Variants in PDGFD observed in about 807,000 individuals in gnomAD.
PDGFD encodes platelet derived growth factor D, also known as platelet-derived growth factor D.
Under a neutral mutation model 44.7 loss-of-function variants are expected in PDGFD, and 30 were observed. The observed-to-expected ratio is 0.67, with a 90% CI of 0.50 to 0.91. PDGFD has a LOEUF of 0.91. Among genes scored for constraint, PDGFD ranks in the 40% least tolerant of loss-of-function variants. PDGFD has a pLI of 0.00. For synonymous variants in PDGFD, 173 were observed against 168.4 expected, an observed-to-expected ratio of 1.03 and a Z score of -0.21; for missense variants, 445 against 457.8, an observed-to-expected ratio of 0.97 and a Z score of 0.25.
At chr11:103,914,538 T>C (rs2408810) in intron 6 of PDGFD, among the ~76,000 whole-genome samples, 69,613 of 151,992 alleles carry the variant, frequency 0.46, 16,057 homozygotes, top group South Asian at 0.49. Flanking sequence ...AAGCTGGTAC[T>C]ATTCCTTCTG....
At chr11:104,015,304 T>C (rs554349682) in intron 1 of PDGFD, among the ~76,000 whole-genome samples, 1 of 152,302 alleles carries the variant, frequency 6.6e-6, no homozygotes, top group Non-Finnish European at 1.5e-5. Flanking sequence ...GAAACAAGAT[T>C]CTCTTTTCTT....
chr11:104,025,547 C>T (rs781397331), intron 1 of PDGFD, among the ~76,000 whole-genome samples: 4 of 152,154 alleles, frequency 2.6e-5, no homozygotes, highest in Non-Finnish European at 5.9e-5. Context: ...TTTGAGAGGT[C>T]ATCCCAGGAA....
intron 1 of PDGFD, among the ~76,000 whole-genome samples, chr11:104,129,129 A>T (rs559436978): frequency 7.2e-5 from 11 of 152,168 alleles, no homozygotes; most frequent in Admixed American, 2.0e-4. Flanking sequence ...ATTGTAAGGA[A>T]CCTGACAGAG....
At chr11:104,027,429 G>T (rs539921696) in intron 1 of PDGFD, among the ~76,000 whole-genome samples, 1 of 152,312 alleles carries the variant, frequency 6.6e-6, no homozygotes, top group East Asian at 1.9e-4. Context: ...TACTTTGGTA[G>T]AGTGCTTTTC....
At chr11:104,087,658 A>G (rs1036694730) in intron 1 of PDGFD, among the ~76,000 whole-genome samples, 7 of 152,222 alleles carry the variant, frequency 4.6e-5, no homozygotes, top group Non-Finnish European at 8.8e-5. Context: ...AATTCCTTAC[A>G]TTTCCCTAAA....
At chr11:103,933,534 T>C (rs960568636) in intron 5 of PDGFD, among the ~76,000 whole-genome samples, 1 of 152,242 alleles carries the variant, frequency 6.6e-6, no homozygotes, top group East Asian at 1.9e-4. Context: ...TAAAAACATT[T>C]ACCACTTGTT....
intron 3 of PDGFD, among the ~76,000 whole-genome samples, chr11:103,985,088 ATATAT>A (rs910064690): frequency 5.2e-5 from 5 of 95,520 alleles, no homozygotes; most frequent in African/African-American, 2.2e-4. Flanking sequence ...TATTTATTTA[ATATAT>A]TATATATTAA....
chr11:104,109,757 A>T (rs1435852159), intron 1 of PDGFD, among the ~76,000 whole-genome samples: 2 of 152,120 alleles, frequency 1.3e-5, no homozygotes, highest in African/African-American at 2.4e-5. Context: ...GAACTATCTA[A>T]GATACATCAT....
At chr11:104,030,988 A>G (rs1209088002) in intron 1 of PDGFD, among the ~76,000 whole-genome samples, 1 of 152,180 alleles carries the variant, frequency 6.6e-6, no homozygotes, top group Admixed American at 6.5e-5. Flanking sequence ...ATGAAAATTA[A>G]CTCATGATGG....
chr11:104,133,906 G>A (rs1352553706), intron 1 of PDGFD, among the ~76,000 whole-genome samples: 2 of 151,922 alleles, frequency 1.3e-5, no homozygotes, highest in Non-Finnish European at 2.9e-5. Context: ...GACATGATAT[G>A]GTAAAAAAGA....
At chr11:104,067,408 G>A (rs1860804987) in intron 1 of PDGFD, among the ~76,000 whole-genome samples, 1 of 152,084 alleles carries the variant, frequency 6.6e-6, no homozygotes, top group African/African-American at 2.4e-5. Flanking sequence ...ATAGAAGTGA[G>A]CAATTTTTCT....
chr11:104,037,348 C>G, intron 1 of PDGFD: 1 of 1,614,140 alleles, frequency 6.2e-7, no homozygotes, highest in Non-Finnish European at 8.5e-7. Flanking sequence ...CAGCGGAAGC[C>G]TTGAGACCTT....
intron 1 of PDGFD, among the ~76,000 whole-genome samples, chr11:104,137,112 T>C (rs555740750): frequency 1.3e-5 from 2 of 152,306 alleles, no homozygotes; most frequent in Non-Finnish European, 2.9e-5. Context: ...TACTGAACAC[T>C]AGGTTTGTGA....
At chr11:103,960,610 T>G (rs1347097572) in intron 3 of PDGFD, among the ~76,000 whole-genome samples, 1 of 152,218 alleles carries the variant, frequency 6.6e-6, no homozygotes, top group South Asian at 2.1e-4. Context: ...TCTAATGTCC[T>G]ACTCTTGTCA....
chr11:104,103,338 T>C (rs780961858), intron 1 of PDGFD, among the ~76,000 whole-genome samples: 12 of 151,978 alleles, frequency 7.9e-5, no homozygotes, highest in Non-Finnish European at 1.3e-4. Flanking sequence ...CTCCTCTGTA[T>C]GTCCATTATA....
At position 104,093,492 on chromosome 11, in the gene PDGFD, G is replaced by A. The variant is rs549975090; in HGVS notation, c.124+70312C>T. 1.1e-4 allele frequency among the ~76,000 whole-genome samples: 17 copies of A among 152,098 alleles called. No individual in the cohort carries two copies. In the South Asian group the frequency reaches 2.3e-3, roughly 20 times the overall value. ...AGTGGGCAAACTTCTGCTCCTCCTC[G>A]CTTGCCTTCAAACAGAACTTCTCTT... On this transcript the variant is annotated intron_variant, in intron 1 of 6. Coordinates refer to ENST00000393158, the MANE Select transcript of PDGFD (RefSeq NM_025208.5).
intron 1 of PDGFD, among the ~76,000 whole-genome samples, chr11:104,002,935 T>A (rs1859642092): frequency 6.6e-6 from 1 of 152,234 alleles, no homozygotes; most frequent in South Asian, 2.1e-4. Flanking sequence ...AAAATATCTA[T>A]CTCAGGTATT....
intron 1 of PDGFD, among the ~76,000 whole-genome samples, chr11:104,136,114 C>T (rs892845147): frequency 6.6e-6 from 1 of 152,096 alleles, no homozygotes; most frequent in Admixed American, 6.5e-5. Flanking sequence ...TCTGTAAACC[C>T]CAGCTTTGAA....
At chr11:104,150,271 A>G (rs1300126711) in intron 1 of PDGFD, among the ~76,000 whole-genome samples, 2 of 152,214 alleles carry the variant, frequency 1.3e-5, no homozygotes. Flanking sequence ...TGAAAAGTCC[A>G]TAAGATTTCA....
Sources: allele counts gnomAD v4.1 joint callset (sites outside exome capture counted in the v4.1 genomes callset), GRCh38; gene constraint gnomAD v4.1.1; transcripts MANE v1.5; gene names NCBI Gene and HGNC (gene_info 2026-07-23, HGNC 2026-07-21).